The following DGKH variants were observed in gnomAD, a reference collection of about 807,000 sequenced individuals.
DGKH encodes diacylglycerol kinase eta.
DGKH carries 90 observed loss-of-function variants against 159.3 expected under a neutral mutation model. The observed-to-expected ratio is 0.57, with a 90% CI of 0.48 to 0.67. The LOEUF is 0.67. Among genes scored for constraint, DGKH ranks in the 30% least tolerant of loss-of-function variants. The probability of loss-of-function intolerance (pLI) is 0.00; values close to 1 mark genes in which losing one functional copy is unlikely to be tolerated. For missense variants in DGKH, 1,181 were observed against 1,506.1 expected, an observed-to-expected ratio of 0.78 and a Z score of 3.57; for synonymous variants, 536 against 553.8, an observed-to-expected ratio of 0.97 and a Z score of 0.45.
intron 1 of DGKH, among the ~76,000 whole-genome samples, chr13:42,068,781 AAAAG>A (rs1357146357): frequency 1.3e-5 from 2 of 152,236 alleles, no homozygotes; most frequent in African/African-American, 4.8e-5. Context: ...CACATGTAGA[AAAAG>A]AAAGTCTGGA....
At chr13:42,096,304 A>G (rs1337067921) in intron 1 of DGKH, among the ~76,000 whole-genome samples, 2 of 151,800 alleles carry the variant, frequency 1.3e-5, no homozygotes, top group African/African-American at 4.8e-5. Flanking sequence ...TGAGTACCCA[A>G]TGTTTAGCTC....
intron 16 of DGKH, 36 bp from the exon 17 acceptor site, chr13:42,194,849 C>A: frequency 1.3e-6 from 2 of 1,593,658 alleles, no homozygotes; most frequent in Non-Finnish European, 1.7e-6. Context: ...ATAGCTTTAT[C>A]ATTATCTCTT....
At chr13:42,130,709 T>C (rs1002485566) in intron 3 of DGKH, among the ~76,000 whole-genome samples, 1 of 152,054 alleles carries the variant, frequency 6.6e-6, no homozygotes, top group Non-Finnish European at 1.5e-5. Flanking sequence ...AGGTGAGCAC[T>C]GGTAGGGGTT....
chr13:42,205,950 T>C, intron 20 of DGKH, 89 bp from the exon 21 acceptor site: 1 of 684,954 alleles, frequency 1.5e-6, no homozygotes, highest in Non-Finnish European at 2.1e-6. Context: ...TCCATTGTCC[T>C]TCATCTTTAG....
Position 42,236,378 on chromosome 13 carries a change from C to T in DGKH, c.*7190C>T, listed in dbSNP as rs991815769. 2 of 151,904 alleles carry T rather than the reference C, an allele frequency of 1.3e-5. No individual in the cohort carries two copies. The highest frequency in any genetic ancestry group is 1.9e-4 in the East Asian group (1 of 5,170). The allele number at this position is 151,904 out of a possible 1,614,324, so 9.4% of individuals were successfully genotyped here. Reference sequence around the variant, plus strand: ...CTGTATTCTTTACTGCAATAGATAGCGGAATAGTAATAGACACTTTGTTAA... The same window carrying T: ...CTGTATTCTTTACTGCAATAGATAGTGGAATAGTAATAGACACTTTGTTAA... On this transcript the variant is annotated 3_prime_UTR_variant, in exon 30 of 30. Transcript: ENST00000337343.
chr13:42,175,562 G>A (rs1956578906), intron 12 of DGKH, among the ~76,000 whole-genome samples: 1 of 151,938 alleles, frequency 6.6e-6, no homozygotes, highest in Non-Finnish European at 1.5e-5. Context: ...CTGTTTTCTA[G>A]CATATAAAAT....
intron 1 of DGKH, among the ~76,000 whole-genome samples, chr13:42,041,472 C>G (rs1255482428): frequency 6.6e-6 from 1 of 152,232 alleles, no homozygotes; most frequent in East Asian, 1.9e-4. Context: ...AAGCAGAAAG[C>G]TGACTTCGCT....
chr13:42,165,705 A>G (rs1956294720), intron 8 of DGKH, among the ~76,000 whole-genome samples: 1 of 151,970 alleles, frequency 6.6e-6, no homozygotes, highest in African/African-American at 2.4e-5. Flanking sequence ...ATTACTCTGT[A>G]CGGCAATACA....
chr13:42,124,103 A>C (rs1408773806), intron 1 of DGKH, among the ~76,000 whole-genome samples: 1 of 152,162 alleles, frequency 6.6e-6, no homozygotes, highest in African/African-American at 2.4e-5. Context: ...TTTCTGACTT[A>C]ATTGGTGATA....
At chr13:42,191,248 A>G (rs1957056186) in intron 16 of DGKH, among the ~76,000 whole-genome samples, 1 of 152,210 alleles carries the variant, frequency 6.6e-6, no homozygotes, top group Admixed American at 6.5e-5. Context: ...AGATGAGACA[A>G]TATGAAAATA....
At chr13:42,060,936 A>G (rs920136185) in intron 1 of DGKH, among the ~76,000 whole-genome samples, 1 of 152,156 alleles carries the variant, frequency 6.6e-6, no homozygotes, top group African/African-American at 2.4e-5. Context: ...TGTCTGGGGT[A>G]TATACCCTGG....
rs773279659 is a variant in DGKH at position 42,155,387 on chromosome 13, C to A, written c.481C>A (p.Pro161Thr). 2.4e-5 allele frequency: 38 copies of A among 1,609,128 alleles called. No homozygotes were observed. The highest frequency in any genetic ancestry group is 3.3e-4 in the Middle Eastern group (2 of 6,042). The change falls in exon 4 of 30, where the codon CCC (proline) becomes ACC (threonine). Residue 161 changes from proline (P) to threonine (T), a missense_variant. Coordinates refer to ENST00000337343, the MANE Select transcript of DGKH (RefSeq NM_178009.5). The part of the protein sequence containing the change: ...SSLKSVQTRE[P>T]YEVAQFNVEH... Reference sequence around the variant, plus strand: ...ACTGAAGTCTGTACAGACCAGAGAACCCTACGAGGTAAAATAGCATCTTTT... The same window carrying A: ...ACTGAAGTCTGTACAGACCAGAGAAACCTACGAGGTAAAATAGCATCTTTT...
At position 42,207,695 on chromosome 13, in the gene DGKH, G is replaced by GTA. The variant is rs55668821; in HGVS notation, c.2602-1244_2602-1243dup. Among the ~76,000 whole-genome samples, 253 of 140,278 alleles carry GTA rather than the reference G, an allele frequency of 1.8e-3. 1 individual carries two copies. The highest frequency in any genetic ancestry group is 7.8e-3 in the Middle Eastern group (2 of 256). 92.0% of individuals were successfully genotyped at this position (140,278 alleles called of 152,430 possible). On this transcript the variant is annotated intron_variant, in intron 21 of 29. Transcript: ENST00000337343. ...AGAGAGGGCACAATTATTAAAGTGTGTATATATATATATATATATATCAGT... is the reference window on the plus strand; with the variant it reads ...AGAGAGGGCACAATTATTAAAGTGTGTATATATATATATATATATATATCAGT...
intron 1 of DGKH, among the ~76,000 whole-genome samples, chr13:42,067,858 G>A (rs1215096806): frequency 6.6e-6 from 1 of 152,074 alleles, no homozygotes; most frequent in African/African-American, 2.4e-5. Flanking sequence ...TTTTATTCAT[G>A]CTTGCCTTGG....
chr13:42,050,505 G>T (rs1438683770), intron 1 of DGKH, among the ~76,000 whole-genome samples: 1 of 152,206 alleles, frequency 6.6e-6, no homozygotes, highest in African/African-American at 2.4e-5. Flanking sequence ...AGTACATCTT[G>T]TAACTCCTTT....
In DGKH at chr13:42,155,806, T is replaced by C. The variant is rs1191807788; in HGVS notation, c.622+7T>C. 6.2e-7 allele frequency: 1 copy of C among 1,614,060 alleles called. No individual in the cohort carries two copies. The highest frequency in any genetic ancestry group is 8.5e-7 in the Non-Finnish European group (1 of 1,179,968). On this transcript the variant is annotated splice_region_variant and intron_variant, in intron 5 of 29. Coordinates refer to ENST00000337343, the MANE Select transcript of DGKH (RefSeq NM_178009.5). ...CATGGCCTGTCCTGCGAAGGTACTG[T>C]AGCACCTAGCATGTGTTTTCTCCCA...
chr13:42,077,419 T>A (rs1954120569), intron 1 of DGKH, among the ~76,000 whole-genome samples: 1 of 152,182 alleles, frequency 6.6e-6, no homozygotes, highest in Non-Finnish European at 1.5e-5. Flanking sequence ...GAAAGCTTCA[T>A]GAAGCTTTAC....
chr13:42,058,585 T>G (rs1281025085), intron 1 of DGKH, among the ~76,000 whole-genome samples: 6 of 152,198 alleles, frequency 3.9e-5, no homozygotes, highest in Non-Finnish European at 8.8e-5. Context: ...TGTACTATAT[T>G]ATATTAGATG....
intron 1 of DGKH, among the ~76,000 whole-genome samples, chr13:42,084,080 G>C (rs2765211): frequency 0.4 from 59,999 of 151,778 alleles, 12,555 homozygotes; most frequent in African/African-American, 0.51. Context: ...CCTTTAATCA[G>C]AATCTAGACA....
Sources: allele counts gnomAD v4.1 joint callset (sites outside exome capture counted in the v4.1 genomes callset), GRCh38; gene constraint gnomAD v4.1.1; transcripts MANE v1.5; gene names NCBI Gene and HGNC (gene_info 2026-07-23, HGNC 2026-07-21).